CACHD1: variants seen among roughly 807,000 people sequenced by gnomAD.
CACHD1 encodes the protein VWFA and cache domain-containing protein 1.
Under a neutral mutation model 138.7 loss-of-function variants are expected in CACHD1, and 71 were observed. That is an observed-to-expected ratio of 0.51 (90% CI 0.42 to 0.62). The LOEUF is 0.62. Among genes scored for constraint, CACHD1 ranks in the 20% least tolerant of loss-of-function variants. The pLI, the probability that CACHD1 is intolerant of heterozygous loss-of-function variation, is 0.00. For synonymous variants in CACHD1, 578 were observed against 591.5 expected (o/e 0.98, Z 0.33); for missense variants, 1,389 against 1,625.3 (o/e 0.85, Z 2.50).
intron 13 of CACHD1, among the ~76,000 whole-genome samples, chr1:64,662,868 T>G (rs1649488798): frequency 6.6e-6 from 1 of 152,232 alleles, no homozygotes; most frequent in African/African-American, 2.4e-5. Context: ...GAGTGAATAA[T>G]TTTTATTTGA....
intron 8 of CACHD1, among the ~76,000 whole-genome samples, chr1:64,642,252 TC>T (rs1259992981): frequency 6.6e-6 from 1 of 152,212 alleles, no homozygotes; most frequent in Non-Finnish European, 1.5e-5. Flanking sequence ...ACCTTTTTTT[TC>T]AGTTCTCCTT....
intron 3 of CACHD1, among the ~76,000 whole-genome samples, chr1:64,601,708 GC>G (rs1310577644): frequency 6.6e-6 from 1 of 152,198 alleles, no homozygotes; most frequent in Non-Finnish European, 1.5e-5. Flanking sequence ...TAAAGTTCAT[GC>G]CAGTGGTCAA....
At chr1:64,567,363 T>TTAG (rs1441864958) in intron 2 of CACHD1, among the ~76,000 whole-genome samples, 1 of 152,106 alleles carries the variant, frequency 6.6e-6, no homozygotes, top group East Asian at 1.9e-4. Context: ...ATTATGTATG[T>TTAG]GTCCCTAGAA....
chr1:64,667,704 A>G (rs1254293646), intron 16 of CACHD1, among the ~76,000 whole-genome samples: 1 of 152,228 alleles, frequency 6.6e-6, no homozygotes, highest in Non-Finnish European at 1.5e-5. Context: ...GTCTTTGATT[A>G]CAATGAAATG....
At position 64,619,621 on chromosome 1, in the gene CACHD1, G is replaced by A. The variant is rs150738604; in HGVS notation, c.518-9734G>A. Among the ~76,000 whole-genome samples the A allele has an allele frequency of 6.6e-5, 10 of 152,212 alleles. No individual in the cohort carries two copies. In the East Asian group the frequency reaches 1.7e-3, roughly 26 times the overall value. ...GGAATGGTGGTAGGCACTGGAGGTCGGATCTAAGAGCACCTCTCTCTCAGG... is the reference window on the plus strand; with the variant it reads ...GGAATGGTGGTAGGCACTGGAGGTCAGATCTAAGAGCACCTCTCTCTCAGG... On this transcript the variant is annotated intron_variant, in intron 4 of 26. Coordinates refer to ENST00000651257, the MANE Select transcript of CACHD1 (RefSeq NM_020925.4).
intron 1 of CACHD1, among the ~76,000 whole-genome samples, chr1:64,491,760 G>C (rs1339111040): frequency 9.9e-5 from 15 of 152,040 alleles, no homozygotes; most frequent in Admixed American, 9.2e-4. Flanking sequence ...GGGACTACAG[G>C]CATGCACCAC....
intron 1 of CACHD1, among the ~76,000 whole-genome samples, chr1:64,543,995 T>TA (rs1211572265): frequency 1.3e-5 from 2 of 151,800 alleles, no homozygotes; most frequent in African/African-American, 2.4e-5. Flanking sequence ...CCATGATTTT[T>TA]AAAAAAATTT....
intron 1 of CACHD1, among the ~76,000 whole-genome samples, chr1:64,471,619 G>A (rs56869475): frequency 0.036 from 5,513 of 152,300 alleles, 340 homozygotes; most frequent in African/African-American, 0.13. Context: ...AATCCTGCTG[G>A]GGGACTCTTT....
At chr1:64,603,099 C>CTTTTTTTTTT (rs34372401) in intron 4 of CACHD1, among the ~76,000 whole-genome samples, 187 bp downstream of exon 4, 2 of 64,896 alleles carry the variant, frequency 3.1e-5, no homozygotes, top group African/African-American at 9.9e-5. Flanking sequence ...AAGCTTACAT[C>CTTTTTTTTTT]TTTTTTTTTT....
chr1:64,529,919 CA>C (rs1646569059), intron 1 of CACHD1, among the ~76,000 whole-genome samples: 1 of 152,098 alleles, frequency 6.6e-6, no homozygotes, highest in Non-Finnish European at 1.5e-5. Context: ...TGATTTTGGC[CA>C]AATCTACTTT....
intron 1 of CACHD1, among the ~76,000 whole-genome samples, chr1:64,494,300 C>T (rs1212155217): frequency 6.6e-6 from 1 of 152,188 alleles, no homozygotes; most frequent in Non-Finnish European, 1.5e-5. Context: ...TGGCTCTGGC[C>T]TTGCCTGGTA....
At chr1:64,575,367 A>G (rs1313342048) in intron 2 of CACHD1, among the ~76,000 whole-genome samples, 6 of 152,240 alleles carry the variant, frequency 3.9e-5, no homozygotes, top group Admixed American at 1.3e-4. Context: ...ATGATGTGCA[A>G]CATGAAACAA....
intron 12 of CACHD1, among the ~76,000 whole-genome samples, chr1:64,655,235 C>CTACT (rs1334982173): frequency 6.6e-6 from 1 of 152,148 alleles, no homozygotes; most frequent in East Asian, 1.9e-4. Context: ...CCAAAACTAT[C>CTACT]TACTTCCTTC....
intron 16 of CACHD1, 142 bp from the exon 17 acceptor site, chr1:64,671,422 T>TG: frequency 1.2e-6 from 1 of 841,092 alleles, no homozygotes; most frequent in Non-Finnish European, 1.9e-6. Context: ...GTCACTTAGT[T>TG]GATCATTTTT....
intron 13 of CACHD1, 68 bp from the exon 14 acceptor site, chr1:64,663,627 G>A: frequency 6.3e-7 from 1 of 1,587,344 alleles, no homozygotes; most frequent in Non-Finnish European, 8.6e-7. Flanking sequence ...GAGCCCGAGT[G>A]ATGCCTTTGT....
intron 13 of CACHD1, among the ~76,000 whole-genome samples, chr1:64,659,159 G>T (rs150288811): frequency 1.3e-5 from 2 of 152,312 alleles, no homozygotes; most frequent in African/African-American, 2.4e-5. Context: ...AGACAAGTTT[G>T]ATGTTGAGTG....
chr1:64,667,629 A>G (rs1316146811), intron 16 of CACHD1, among the ~76,000 whole-genome samples: 1 of 152,188 alleles, frequency 6.6e-6, no homozygotes, highest in African/African-American at 2.4e-5. Context: ...TGCCTCCCAT[A>G]TATTCTAATG....
At chr1:64,524,921 GA>G (rs1300991605) in intron 1 of CACHD1, among the ~76,000 whole-genome samples, 2 of 152,010 alleles carry the variant, frequency 1.3e-5, no homozygotes, top group African/African-American at 4.8e-5. Flanking sequence ...TCCATTTTCA[GA>G]TGAGGAAACT....
rs1452635058 is a variant in CACHD1 at position 64,675,465 on chromosome 1, G to A, written c.2792G>A (p.Gly931Glu). ...AAATACAGATTAGCAAGGATCCCAG[G>A]AACCAACGCGTTTGTTGGCATTGTC... ...CSKYRLARIP[G>E]TNAFVGIVNE... Residue 931 changes from glycine to glutamate, a missense_variant, in exon 20 of 27, where the codon GGA becomes GAA. Transcript: ENST00000651257. 1 of 1,613,732 alleles carries A rather than the reference G, an allele frequency of 6.2e-7. No individual in the cohort carries two copies. The highest frequency in any genetic ancestry group is 1.7e-5 in the Admixed American group (1 of 60,004).
Sources: allele counts gnomAD v4.1 joint callset (sites outside exome capture counted in the v4.1 genomes callset), GRCh38; gene constraint gnomAD v4.1.1; transcripts MANE v1.5; gene names NCBI Gene and HGNC (gene_info 2026-07-23, HGNC 2026-07-21).